DOCK10: variants seen among roughly 807,000 people sequenced by gnomAD.
DOCK10 encodes dedicator of cytokinesis 10.
DOCK10 carries 145 observed loss-of-function variants against 280.1 expected under a neutral mutation model. The observed-to-expected ratio is 0.52, with a 90% CI of 0.45 to 0.59. The LOEUF is 0.59. Among genes scored for constraint, DOCK10 ranks in the 20% least tolerant of loss-of-function variants. The pLI, the probability that DOCK10 is intolerant of heterozygous loss-of-function variation, is 0.00. For synonymous variants in DOCK10, 915 were observed against 942.2 expected, an observed-to-expected ratio of 0.97 and a Z score of 0.53; for missense variants, 2,368 against 2,651.7, an observed-to-expected ratio of 0.89 and a Z score of 2.35.
At chr2:224,922,304 T>C (rs1255978902) in intron 2 of DOCK10, among the ~76,000 whole-genome samples, 2 of 152,192 alleles carry the variant, frequency 1.3e-5, no homozygotes, top group African/African-American at 4.8e-5. Flanking sequence ...TTACAAAGAA[T>C]TTTTTCTTTT....
rs1391881781 is a variant in DOCK10 at position 224,814,498 on chromosome 2, T to G, written c.3365-134A>C. 3 of 451,056 alleles carry G rather than the reference T, an allele frequency of 6.7e-6. No individual in the cohort carries two copies. The Admixed American group carries it at 1.3e-4, about 20-fold the overall frequency. 27.9% of individuals were successfully genotyped at this position (451,056 alleles called of 1,614,324 possible). A position where few individuals can be genotyped will look rare whatever the true frequency, so the allele number is the denominator to read the frequency against. On this transcript the variant is annotated intron_variant, in intron 30 of 55. Transcript: ENST00000258390. ...AATGTGAGTCTTCAGTATTGCCAGT[T>G]TTCAAGGAGAATGTCTTAGGTTATT...
At chr2:224,855,137 T>G (rs1697037796) in intron 15 of DOCK10, 95 bp from the exon 16 acceptor site, 1 of 765,622 alleles carries the variant, frequency 1.3e-6, no homozygotes, top group African/African-American at 1.8e-5. Context: ...AAAGCAGTCA[T>G]CTATAATTCT....
At chr2:225,035,570 A>ATATATTATATATATATATATATATAT (rs1553634929) in intron 1 of DOCK10, among the ~76,000 whole-genome samples, 3 of 58,234 alleles carry the variant, frequency 5.2e-5, no homozygotes, top group Non-Finnish European at 1.2e-4. Flanking sequence ...ATATATATAT[A>ATATATTATATATATATATATATATAT]TATATATATA....
At chr2:225,002,337 T>C (rs1347512789) in intron 1 of DOCK10, among the ~76,000 whole-genome samples, 2 of 152,172 alleles carry the variant, frequency 1.3e-5, no homozygotes, top group Non-Finnish European at 2.9e-5. Flanking sequence ...ATCCTCAATA[T>C]CACTTATTTG....
Position 224,805,584 on chromosome 2 carries a change from CACAAA to C in DOCK10, c.3815-60_3815-56del. The C allele has an allele frequency of 6.2e-7, 1 of 1,603,572 alleles. No individual in the cohort carries two copies. The highest frequency in any genetic ancestry group is 8.5e-7 in the Non-Finnish European group (1 of 1,174,952). On this transcript the variant is annotated intron_variant, in intron 34 of 55. Coordinates refer to ENST00000258390, the MANE Select transcript of DOCK10 (RefSeq NM_014689.3). The surrounding 1 kb of genome is among the most constrained non-coding windows in gnomAD (Gnocchi z 4.3). ...GGAATGAGATGTATGGGCACACACACACAAAAGGTTCACATGATGAACCAAAAAGA... is the reference window on the plus strand; with the variant it reads ...GGAATGAGATGTATGGGCACACACACAGGTTCACATGATGAACCAAAAAGA...
At chr2:224,931,820 A>G (rs995868766) in intron 1 of DOCK10, among the ~76,000 whole-genome samples, 152 bp from the exon 2 acceptor site, 2 of 152,166 alleles carry the variant, frequency 1.3e-5, no homozygotes, top group Non-Finnish European at 2.9e-5. Flanking sequence ...TTTAGGGCAA[A>G]GCCACACACC....
chr2:225,030,017 A>G (rs1690033036), intron 1 of DOCK10, among the ~76,000 whole-genome samples: 1 of 151,896 alleles, frequency 6.6e-6, no homozygotes, highest in Non-Finnish European at 1.5e-5. Flanking sequence ...GTGGTGGCAC[A>G]CACCTGTAGT....
chr2:224,923,739 C>A (rs1337262494), intron 2 of DOCK10, among the ~76,000 whole-genome samples: 2 of 152,222 alleles, frequency 1.3e-5, no homozygotes, highest in African/African-American at 4.8e-5. Flanking sequence ...CTCTGCCTCT[C>A]CAAAAGTCTT....
chr2:225,031,847 G>C (rs939469373), intron 1 of DOCK10, among the ~76,000 whole-genome samples: 4 of 152,176 alleles, frequency 2.6e-5, no homozygotes, highest in African/African-American at 9.7e-5. Flanking sequence ...TGCCTCTGAG[G>C]CTCGATAAGG....
chr2:225,002,498 A>G (rs1225628870), intron 1 of DOCK10, among the ~76,000 whole-genome samples: 1 of 152,220 alleles, frequency 6.6e-6, no homozygotes, highest in African/African-American at 2.4e-5. Flanking sequence ...TTGATAGATA[A>G]GTCATACATT....
chr2:224,807,864 G>A (rs376753359), intron 32 of DOCK10, 47 bp downstream of exon 32: 12 of 1,578,428 alleles, frequency 7.6e-6, no homozygotes, highest in Non-Finnish European at 1.0e-5. Flanking sequence ...TTAATGCAGT[G>A]AGCCATTAAA....
At chr2:224,915,851 A>T (rs1701280726) in intron 3 of DOCK10, among the ~76,000 whole-genome samples, 2 of 152,236 alleles carry the variant, frequency 1.3e-5, no homozygotes, top group South Asian at 4.1e-4. Flanking sequence ...TGGTTAGAAG[A>T]GAAAGAAGCT....
chr2:225,028,917 A>G (rs1462689512), intron 1 of DOCK10, among the ~76,000 whole-genome samples: 1 of 152,214 alleles, frequency 6.6e-6, no homozygotes, highest in Non-Finnish European at 1.5e-5. Flanking sequence ...AGGTTAAGCG[A>G]ATGTGTACTA....
At chr2:224,935,809 C>G (rs1456705306) in intron 1 of DOCK10, among the ~76,000 whole-genome samples, 1 of 152,150 alleles carries the variant, frequency 6.6e-6, no homozygotes, top group East Asian at 1.9e-4. Context: ...AGTAGGCACT[C>G]AATAACTATT....
chr2:224,984,453 C>G (rs1705906252), intron 1 of DOCK10, among the ~76,000 whole-genome samples: 1 of 152,194 alleles, frequency 6.6e-6, no homozygotes, highest in Non-Finnish European at 1.5e-5. Flanking sequence ...TTATCGATCC[C>G]CTCTGCCTCT....
At chr2:224,816,490 C>T in intron 30 of DOCK10, 127 bp downstream of exon 30, 1 of 664,992 alleles carries the variant, frequency 1.5e-6, no homozygotes, top group South Asian at 1.8e-5. Context: ...GGTCTGATAC[C>T]CATGTGACAG....
At chr2:225,031,688 G>A (rs1423864251) in intron 1 of DOCK10, among the ~76,000 whole-genome samples, 1 of 152,236 alleles carries the variant, frequency 6.6e-6, no homozygotes, top group Admixed American at 6.5e-5. Flanking sequence ...TTCTGCTCAT[G>A]TGGGTGCTGA....
Position 224,896,712 on chromosome 2 carries a change from G to A in DOCK10, c.334-335C>T, listed in dbSNP as rs371778377. On this transcript the variant is annotated intron_variant, in intron 3 of 55. Coordinates refer to ENST00000258390, the MANE Select transcript of DOCK10 (RefSeq NM_014689.3). Reference sequence around the variant, plus strand: ...AGCTTGAGTGACAGAGTGAGACTTCGTCTCACAAAAAAAAGAAAAAAGAAA... The same window carrying A: ...AGCTTGAGTGACAGAGTGAGACTTCATCTCACAAAAAAAAGAAAAAAGAAA... Among the ~76,000 whole-genome samples the A allele has an allele frequency of 4.6e-5, 7 of 152,004 alleles. No individual in the cohort carries two copies. The East Asian group carries it at 7.7e-4, about 17-fold the overall frequency.
In DOCK10 at chr2:224,886,071, T is replaced by C. The variant is rs1405469729; in HGVS notation, c.604A>G (p.Thr202Ala). The C allele has an allele frequency of 6.2e-7, 1 of 1,613,842 alleles. No individual in the cohort carries two copies. Among genetic ancestry groups the C allele is most frequent in the South Asian group, 1.1e-5 (1 of 91,066 alleles). ...NFNSTVNNTV[T>A]VRSFKKRYFQ... ...TCTTGATATCTCCTTACCCGAACAG[T>C]AACGGTGTTGTTCACGGTGCTGTTA... The change falls in exon 6 of 56, where the codon ACT becomes GCT. Residue 202 changes from threonine (T) to alanine (A), a missense_variant. By Grantham distance (58) the Thr-to-Ala change is moderately conservative. This residue lies in a region of DOCK10 where 1,209 missense variants were observed against 1,250.9 expected (regional missense o/e 0.97). Coordinates refer to ENST00000258390, the MANE Select transcript of DOCK10 (RefSeq NM_014689.3).
Sources: allele counts gnomAD v4.1 joint callset (sites outside exome capture counted in the v4.1 genomes callset), GRCh38; gene constraint gnomAD v4.1.1; regional missense constraint gnomAD v4.1.1; non-coding constraint Gnocchi (gnomAD v3.1); transcripts MANE v1.5; gene names NCBI Gene and HGNC (gene_info 2026-07-23, HGNC 2026-07-21).